The following IMMP2L variants were observed in gnomAD, a reference collection of about 807,000 sequenced individuals.
IMMP2L encodes inner mitochondrial membrane peptidase subunit 2.
A neutral mutation model predicts 19.3 loss-of-function variants in IMMP2L; 18 were observed. The ratio of observed to expected loss-of-function variants is 0.93; its 90% CI spans 0.64 to 1.38. The LOEUF is 1.38. Ranked by LOEUF, IMMP2L falls within the 40% of genes most tolerant of loss-of-function variation. IMMP2L has a pLI of 0.00. For missense variants in IMMP2L, 233 were observed against 218.2 expected, an observed-to-expected ratio of 1.07 and a Z score of -0.43; for synonymous variants, 76 against 73.0, an observed-to-expected ratio of 1.04 and a Z score of -0.21.
intron 3 of IMMP2L, among the ~76,000 whole-genome samples, chr7:110,987,718 C>T (rs894762968): frequency 7.9e-5 from 12 of 152,076 alleles, no homozygotes; most frequent in Non-Finnish European, 5.9e-5. Context: ...GTGCAGGTGT[C>T]GAAATGTCTT....
chr7:110,997,174 T>G (rs1823127554), intron 3 of IMMP2L, among the ~76,000 whole-genome samples: 1 of 152,140 alleles, frequency 6.6e-6, no homozygotes, highest in African/African-American at 2.4e-5. Flanking sequence ...AAAAAAAATT[T>G]ACTCAGCAGG....
At chr7:111,150,668 C>T (rs952501843) in intron 3 of IMMP2L, among the ~76,000 whole-genome samples, 7 of 152,122 alleles carry the variant, frequency 4.6e-5, no homozygotes, top group African/African-American at 1.2e-4. Context: ...TTTACGCTCT[C>T]GAAGTAAAAA....
At chr7:110,959,896 C>T (rs1818754871) in intron 4 of IMMP2L, among the ~76,000 whole-genome samples, 1 of 151,876 alleles carries the variant, frequency 6.6e-6, no homozygotes, top group East Asian at 1.9e-4. Flanking sequence ...TGCTGTAAAC[C>T]CAATATTTAC....
chr7:111,461,238 A>G (rs542835322), intron 3 of IMMP2L, among the ~76,000 whole-genome samples: 1 of 152,276 alleles, frequency 6.6e-6, no homozygotes, highest in South Asian at 2.1e-4. Flanking sequence ...ATCAAAAACA[A>G]TAATCAAAAT....
At chr7:110,793,409 G>A (rs1397977965) in intron 5 of IMMP2L, among the ~76,000 whole-genome samples, 1 of 142,946 alleles carries the variant, frequency 7.0e-6, no homozygotes, top group African/African-American at 2.5e-5. Context: ...AACAGAGCAA[G>A]ACTCTGTCTC....
chr7:111,332,228 GA>G (rs943044678), intron 3 of IMMP2L, among the ~76,000 whole-genome samples: 5 of 149,588 alleles, frequency 3.3e-5, no homozygotes, highest in African/African-American at 1.2e-4. Flanking sequence ...AACCTTCCTA[GA>G]AAAAAAAACT....
chr7:110,967,441 G>A (rs1002082464), intron 3 of IMMP2L, among the ~76,000 whole-genome samples: 1 of 151,762 alleles, frequency 6.6e-6, no homozygotes, highest in Non-Finnish European at 1.5e-5. Flanking sequence ...CTTAACCCTA[G>A]GTCTAAGCAT....
intron 5 of IMMP2L, among the ~76,000 whole-genome samples, chr7:110,824,927 A>G (rs183023706): frequency 9.2e-5 from 14 of 152,304 alleles, no homozygotes; most frequent in African/African-American, 3.4e-4. Flanking sequence ...ACATGATTGT[A>G]TATCTAGAAA....
At chr7:110,982,094 G>T (rs1396406623) in intron 3 of IMMP2L, among the ~76,000 whole-genome samples, 1 of 152,072 alleles carries the variant, frequency 6.6e-6, no homozygotes, top group Non-Finnish European at 1.5e-5. Context: ...AATTGGTTAG[G>T]TATTAACTGT....
chr7:111,006,510 T>A (rs1824307932), intron 3 of IMMP2L, among the ~76,000 whole-genome samples: 1 of 152,208 alleles, frequency 6.6e-6, no homozygotes, highest in Admixed American at 6.6e-5. Flanking sequence ...CATTCACTCA[T>A]GAGGCATCTA....
chr7:111,470,548 A>G (rs2132099789), intron 3 of IMMP2L, among the ~76,000 whole-genome samples: 1 of 151,984 alleles, frequency 6.6e-6, no homozygotes, highest in Non-Finnish European at 1.5e-5. Context: ...CAGCCATAAA[A>G]AATGATGAGT....
intron 3 of IMMP2L, among the ~76,000 whole-genome samples, chr7:111,430,749 T>A (rs1014575426): frequency 1.3e-5 from 2 of 151,500 alleles, no homozygotes; most frequent in Admixed American, 6.6e-5. Flanking sequence ...CCTATACCAG[T>A]TCATGAATAT....
intron 4 of IMMP2L, among the ~76,000 whole-genome samples, chr7:110,929,282 A>C (rs1381126108): frequency 6.6e-6 from 1 of 152,144 alleles, no homozygotes; most frequent in Non-Finnish European, 1.5e-5. Context: ...GTTGGCATTT[A>C]ATGCTCATGA....
intron 3 of IMMP2L, among the ~76,000 whole-genome samples, chr7:111,337,232 TA>T (rs1458804440): frequency 6.6e-6 from 1 of 152,088 alleles, no homozygotes; most frequent in East Asian, 1.9e-4. Context: ...TTATAAAAAG[TA>T]ATACACTAAA....
intron 3 of IMMP2L, among the ~76,000 whole-genome samples, chr7:111,079,193 C>T (rs955510944): frequency 6.7e-6 from 1 of 150,084 alleles, no homozygotes; most frequent in African/African-American, 2.4e-5. Context: ...TCTCGGCTCA[C>T]TGCAAGCTCC....
chr7:111,468,039 T>A (rs1290409201), intron 3 of IMMP2L, among the ~76,000 whole-genome samples: 2 of 152,138 alleles, frequency 1.3e-5, no homozygotes, highest in Non-Finnish European at 2.9e-5. Context: ...AAACAACCAA[T>A]TGTAAAAATA....
intron 3 of IMMP2L, among the ~76,000 whole-genome samples, chr7:111,371,169 C>T (rs538033823): frequency 4.6e-5 from 7 of 151,954 alleles, no homozygotes; most frequent in Non-Finnish European, 1.0e-4. Flanking sequence ...TGAGGAGAGT[C>T]GTGGCAAGTC....
At chr7:111,011,563 C>A (rs1440099673) in intron 3 of IMMP2L, among the ~76,000 whole-genome samples, 2 of 152,250 alleles carry the variant, frequency 1.3e-5, no homozygotes, top group East Asian at 1.9e-4. Flanking sequence ...CTGTGGCCTT[C>A]TTTTCTGGAC....
At chr7:111,241,331 T>C (rs1815003718) in intron 3 of IMMP2L, among the ~76,000 whole-genome samples, 1 of 152,006 alleles carries the variant, frequency 6.6e-6, no homozygotes. Context: ...CATTCACCAC[T>C]GTCTTCTATG....
Sources: gnomAD v4.1 joint callset for allele counts (sites outside exome capture counted in the v4.1 genomes callset) on GRCh38, gnomAD v4.1.1 for gene constraint, MANE v1.5 for transcripts, NCBI Gene and HGNC (gene_info 2026-07-23, HGNC 2026-07-21) for gene names.